DCLK1: variants seen among roughly 807,000 people sequenced by gnomAD.
The protein encoded by DCLK1 is doublecortin like kinase 1.
In DCLK1, 16 loss-of-function variants were observed where a neutral mutation model predicts 86.2. The observed-to-expected ratio is 0.19, with a 90% CI of 0.13 to 0.28. The LOEUF (loss-of-function observed/expected upper bound fraction) is 0.28, where lower values mean the gene tolerates loss of function less well. Ranked by LOEUF, DCLK1 falls within the 10% of genes least tolerant of loss-of-function variation. The pLI, the probability that DCLK1 is intolerant of heterozygous loss-of-function variation, is 1.00. For synonymous variants in DCLK1, 369 were observed against 370.5 expected, an observed-to-expected ratio of 1.00 and a Z score of 0.05; for missense variants, 590 against 940.2, an observed-to-expected ratio of 0.63 and a Z score of 4.87.
At chr13:35,836,976 T>G (rs564102690) in intron 7 of DCLK1, among the ~76,000 whole-genome samples, 1 of 152,284 alleles carries the variant, frequency 6.6e-6, no homozygotes, top group African/African-American at 2.4e-5. Flanking sequence ...GGCTCTAAAA[T>G]GTACATGTTT....
At chr13:35,934,638 C>T (rs1365791827) in intron 4 of DCLK1, among the ~76,000 whole-genome samples, 1 of 152,164 alleles carries the variant, frequency 6.6e-6, no homozygotes, top group Non-Finnish European at 1.5e-5. Context: ...CTGGGTCCCT[C>T]CCACAACATG....
At chr13:35,807,752 AC>A (rs1341278369) in intron 14 of DCLK1, among the ~76,000 whole-genome samples, 1 of 152,230 alleles carries the variant, frequency 6.6e-6, no homozygotes, top group Non-Finnish European at 1.5e-5. Flanking sequence ...CCAGATGGAC[AC>A]ACAGGTGTTA....
intron 16 of DCLK1, among the ~76,000 whole-genome samples, chr13:35,780,873 T>C (rs2086513332): frequency 6.6e-6 from 1 of 152,236 alleles, no homozygotes; most frequent in Admixed American, 6.5e-5. Context: ...TGTTGGTGCC[T>C]GCCGTAACAC....
At chr13:35,814,261 GCGCGCACA>G (rs1395511980) in intron 11 of DCLK1, among the ~76,000 whole-genome samples, 2 of 152,132 alleles carry the variant, frequency 1.3e-5, no homozygotes, top group Non-Finnish European at 2.9e-5. Context: ...AAGCCTGCAC[GCGCGCACA>G]CACGCACACA....
At chr13:35,935,963 T>A (rs1876729351) in intron 4 of DCLK1, among the ~76,000 whole-genome samples, 1 of 152,160 alleles carries the variant, frequency 6.6e-6, no homozygotes, top group Non-Finnish European at 1.5e-5. Flanking sequence ...CTAAAGCCAT[T>A]AAAGTAGATG....
Position 36,014,176 on chromosome 13 carries a change from G to A in DCLK1, c.724-66719C>T, listed in dbSNP as rs568453405. Among the ~76,000 whole-genome samples the A allele has an allele frequency of 3.1e-3, 474 of 152,278 alleles. 2 individuals carry two copies. The highest frequency in any genetic ancestry group is 8.5e-3 in the South Asian group (41 of 4,828). ...GCAGAAATCACCCGTCTTCTGCGTC[G>A]CTCACGCTGGGAGCTGTAGACCGGA... is the stretch of plus-strand genomic sequence containing the variant. On this transcript the variant is annotated intron_variant, in intron 3 of 16. Transcript: ENST00000360631.
chr13:35,871,691 T>A (rs1332527108), intron 4 of DCLK1, among the ~76,000 whole-genome samples: 4 of 152,206 alleles, frequency 2.6e-5, no homozygotes, highest in Non-Finnish European at 4.4e-5. Flanking sequence ...TGGGATAAAC[T>A]GTTGTTGCTT....
At chr13:36,056,454 TG>T (rs1158834336) in intron 3 of DCLK1, among the ~76,000 whole-genome samples, 1 of 96,958 alleles carries the variant, frequency 1.0e-5, no homozygotes, top group East Asian at 3.2e-4. Context: ...TATCACACTC[TG>T]GGGACTGTGG....
chr13:36,119,506 T>C (rs535758735), intron 2 of DCLK1, among the ~76,000 whole-genome samples: 11 of 152,276 alleles, frequency 7.2e-5, no homozygotes, highest in African/African-American at 2.4e-4. Context: ...AGGGGAAAAT[T>C]ATAACTTTAG....
chr13:35,971,284 GA>G (rs770783058), intron 3 of DCLK1, among the ~76,000 whole-genome samples: 11 of 152,172 alleles, frequency 7.2e-5, no homozygotes, highest in Non-Finnish European at 1.3e-4. Flanking sequence ...TGAAAAAGAA[GA>G]AAAGAATTAA....
At chr13:35,994,984 A>T (rs1353599084) in intron 3 of DCLK1, among the ~76,000 whole-genome samples, 3 of 152,266 alleles carry the variant, frequency 2.0e-5, no homozygotes, top group Admixed American at 2.0e-4. Context: ...TTGGAACTGC[A>T]GCACATTCAA....
At chr13:36,100,377 TCAAACAAA>T (rs918523807) in intron 3 of DCLK1, among the ~76,000 whole-genome samples, 5 of 151,780 alleles carry the variant, frequency 3.3e-5, no homozygotes, top group Non-Finnish European at 7.4e-5. Context: ...AGATCTTGTC[TCAAACAAA>T]CAAACAAAAA....
intron 11 of DCLK1, among the ~76,000 whole-genome samples, chr13:35,817,405 T>A (rs1344326930): frequency 6.6e-6 from 1 of 152,124 alleles, no homozygotes; most frequent in Non-Finnish European, 1.5e-5. Context: ...AAAAAAAGGA[T>A]CGTTCAGTTT....
intron 2 of DCLK1, among the ~76,000 whole-genome samples, chr13:36,113,078 T>C (rs1034920862): frequency 1.2e-4 from 19 of 152,246 alleles, no homozygotes; most frequent in Admixed American, 7.2e-4. Context: ...GATTTTGTAA[T>C]GGCTTTTTTT....
chr13:35,887,418 G>A (rs1873340423), intron 4 of DCLK1, among the ~76,000 whole-genome samples: 1 of 152,142 alleles, frequency 6.6e-6, no homozygotes, highest in South Asian at 2.1e-4. Context: ...CATCATATAA[G>A]TGACCTGCTG....
rs935582204 is a variant in DCLK1 at position 35,769,762 on chromosome 13, A to G, written c.*4773T>C. 1.3e-5 allele frequency: 2 copies of G among 152,246 alleles called. No individual in the cohort carries two copies. The highest frequency in any genetic ancestry group is 4.8e-5 in the African/African-American group (2 of 41,466). 9.4% of individuals were successfully genotyped at this position (152,246 alleles called of 1,614,324 possible). On this transcript the variant is annotated 3_prime_UTR_variant, in exon 17 of 17. Transcript: ENST00000360631. ...TCACAGACAAAATATTCAATTTTACATTAAAGCAACATTAAGGGTCTCAAT... is the reference window on the plus strand; with the variant it reads ...TCACAGACAAAATATTCAATTTTACGTTAAAGCAACATTAAGGGTCTCAAT...
rs112454808 is a variant in DCLK1 at position 35,816,390 on chromosome 13, G to A, written c.1555-5422C>T. ...AACAACATATCCTGAATGTTTTTCCGAAGTGAATCGCATATATCTATACAA... is the reference window on the plus strand; with the variant it reads ...AACAACATATCCTGAATGTTTTTCCAAAGTGAATCGCATATATCTATACAA... On this transcript the variant is annotated intron_variant, in intron 11 of 16. Transcript: ENST00000360631. Among the ~76,000 whole-genome samples, 74 of 151,980 alleles carry A rather than the reference G, an allele frequency of 4.9e-4. 1 individual carries two copies. Among genetic ancestry groups the A allele is most frequent in the African/African-American group, 1.5e-3 (61 of 41,440 alleles).
At chr13:35,908,924 C>T (rs368372345) in intron 4 of DCLK1, among the ~76,000 whole-genome samples, 43 of 152,196 alleles carry the variant, frequency 2.8e-4, no homozygotes, top group African/African-American at 9.2e-4. Flanking sequence ...GTGTGAGCCA[C>T]CACATCTGGC....
At chr13:35,956,771 C>T (rs1027568491) in intron 3 of DCLK1, among the ~76,000 whole-genome samples, 2 of 48,298 alleles carry the variant, frequency 4.1e-5, no homozygotes, top group Non-Finnish European at 8.8e-5. Flanking sequence ...AATGCCCTGT[C>T]CAAAGCAAGC....
Sources: allele counts gnomAD v4.1 joint callset (sites outside exome capture counted in the v4.1 genomes callset), GRCh38; gene constraint gnomAD v4.1.1; transcripts MANE v1.5; gene names NCBI Gene and HGNC (gene_info 2026-07-23, HGNC 2026-07-21).